Variants in ADAMTS6 observed in about 807,000 individuals in gnomAD.
The protein encoded by ADAMTS6 is A disintegrin and metalloproteinase with thrombospondin motifs 6.
A neutral mutation model predicts 144.3 loss-of-function variants in ADAMTS6; 23 were observed. The observed-to-expected ratio is 0.16, with a 90% CI of 0.11 to 0.23. The LOEUF is 0.23. Ranked by LOEUF, ADAMTS6 falls within the 10% of genes least tolerant of loss-of-function variation. ADAMTS6 has a pLI of 1.00. For missense variants in ADAMTS6, 999 were observed against 1,379.6 expected (o/e 0.72, Z 4.37); for synonymous variants, 444 against 457.5 (o/e 0.97, Z 0.38).
At chr5:65,205,880 T>C (rs1561278610) in intron 20 of ADAMTS6, among the ~76,000 whole-genome samples, 1 of 152,164 alleles carries the variant, frequency 6.6e-6, no homozygotes, top group Non-Finnish European at 1.5e-5. Flanking sequence ...AGGAAACATA[T>C]TCAGGAGGAT....
chr5:65,222,940 T>C (rs1443347292), intron 18 of ADAMTS6, among the ~76,000 whole-genome samples: 1 of 151,730 alleles, frequency 6.6e-6, no homozygotes, highest in Non-Finnish European at 1.5e-5. Context: ...CCATAAAATA[T>C]ATCTGACAAA....
At chr5:65,284,755 C>CACTTTTACAGTGGAA (rs1763237897) in intron 11 of ADAMTS6, among the ~76,000 whole-genome samples, 1 of 151,934 alleles carries the variant, frequency 6.6e-6, no homozygotes, top group African/African-American at 2.4e-5. Context: ...AATGTATTTC[C>CACTTTTACAGTGGAA]ACTGGAAAGA....
At chr5:65,322,133 C>T (rs1033795680) in intron 9 of ADAMTS6, among the ~76,000 whole-genome samples, 11 of 152,158 alleles carry the variant, frequency 7.2e-5, no homozygotes, top group Non-Finnish European at 1.6e-4. Flanking sequence ...GGAATCCTTT[C>T]CCCATTGCTT....
At chr5:65,473,324 G>C (rs1760607418) in intron 2 of ADAMTS6, among the ~76,000 whole-genome samples, 1 of 152,018 alleles carries the variant, frequency 6.6e-6, no homozygotes, top group Non-Finnish European at 1.5e-5. Flanking sequence ...GAAGAACAAG[G>C]CCTGGGGTCT....
At chr5:65,416,519 C>T (rs941538277) in intron 7 of ADAMTS6, among the ~76,000 whole-genome samples, 1 of 151,862 alleles carries the variant, frequency 6.6e-6, no homozygotes, top group African/African-American at 2.4e-5. Context: ...TTCATAATGG[C>T]CCAAAGGAGG....
At chr5:65,332,182 T>C (rs1444645407) in intron 8 of ADAMTS6, among the ~76,000 whole-genome samples, 2 of 151,172 alleles carry the variant, frequency 1.3e-5, no homozygotes, top group African/African-American at 4.8e-5. Context: ...ACCAATGTCA[T>C]TAGGTTGGTG....
intron 24 of ADAMTS6, among the ~76,000 whole-genome samples, chr5:65,164,020 G>GGGA (rs1752966783): frequency 6.6e-6 from 1 of 152,202 alleles, no homozygotes; most frequent in African/African-American, 2.4e-5. Context: ...CAGACAGAGG[G>GGGA]GGAGGAGCCA....
At chr5:65,387,296 T>C (rs1169475628) in intron 7 of ADAMTS6, among the ~76,000 whole-genome samples, 1 of 152,202 alleles carries the variant, frequency 6.6e-6, no homozygotes, top group Non-Finnish European at 1.5e-5. Context: ...ATATTCAAAA[T>C]AGGAAATATA....
intron 13 of ADAMTS6, among the ~76,000 whole-genome samples, chr5:65,262,153 G>GC (rs1343760839): frequency 6.6e-6 from 1 of 152,178 alleles, no homozygotes; most frequent in East Asian, 1.9e-4. Context: ...GGAGGGAGAA[G>GC]CAACAGAGCT....
intron 11 of ADAMTS6, among the ~76,000 whole-genome samples, chr5:65,282,966 A>T (rs947499837): frequency 6.6e-6 from 1 of 152,178 alleles, no homozygotes; most frequent in South Asian, 2.1e-4. Flanking sequence ...AGACTAAAAA[A>T]GAGACATGCG....
chr5:65,345,214 G>C (rs533196874), intron 7 of ADAMTS6, among the ~76,000 whole-genome samples: 10 of 151,614 alleles, frequency 6.6e-5, no homozygotes, highest in Admixed American at 1.3e-4. Context: ...TTAATTTCCA[G>C]TAATCTAATA....
chr5:65,258,742 A>T (rs1760907148), intron 14 of ADAMTS6, among the ~76,000 whole-genome samples: 1 of 152,222 alleles, frequency 6.6e-6, no homozygotes, highest in South Asian at 2.1e-4. Context: ...AGACTCCAGG[A>T]TTTTTGGTGT....
intron 14 of ADAMTS6, among the ~76,000 whole-genome samples, chr5:65,245,814 T>C (rs890114811): frequency 3.3e-5 from 5 of 152,170 alleles, no homozygotes; most frequent in South Asian, 2.1e-4. Context: ...ACAGACAATA[T>C]GTAAATAAAT....
At chr5:65,398,846 AAG>A (rs1170490833) in intron 7 of ADAMTS6, among the ~76,000 whole-genome samples, 1 of 143,728 alleles carries the variant, frequency 7.0e-6, no homozygotes, top group Non-Finnish European at 1.5e-5. Context: ...GAAAGAAAGA[AAG>A]AAAAAGAAAG....
At chr5:65,245,614 C>A (rs912320556) in intron 14 of ADAMTS6, among the ~76,000 whole-genome samples, 15 of 151,896 alleles carry the variant, frequency 9.9e-5, no homozygotes, top group Non-Finnish European at 2.1e-4. Context: ...CAACAGTTAT[C>A]ATCATCATCA....
chr5:65,437,297 C>T (rs927031359), intron 7 of ADAMTS6, among the ~76,000 whole-genome samples: 1 of 151,948 alleles, frequency 6.6e-6, no homozygotes, highest in South Asian at 2.1e-4. Flanking sequence ...GGTCTCACCA[C>T]GTTAGCTAGG....
chr5:65,232,445 T>C (rs775124904), intron 15 of ADAMTS6, among the ~76,000 whole-genome samples: 4 of 151,126 alleles, frequency 2.6e-5, no homozygotes, highest in Non-Finnish European at 5.9e-5. Context: ...ATAAACAAAA[T>C]TGACATACCT....
intron 9 of ADAMTS6, among the ~76,000 whole-genome samples, chr5:65,300,456 C>T (rs748017275): frequency 4.6e-5 from 7 of 152,196 alleles, no homozygotes; most frequent in Middle Eastern, 3.4e-3. Flanking sequence ...CAAAGATAAA[C>T]GACCTGCTAA....
intron 7 of ADAMTS6, among the ~76,000 whole-genome samples, chr5:65,338,131 A>G (rs2150071037): frequency 6.6e-6 from 1 of 152,358 alleles, no homozygotes; most frequent in East Asian, 1.9e-4. Context: ...AATGTTCTTT[A>G]TTCTGAATTT....
Sources: gnomAD v4.1 joint callset for allele counts (sites outside exome capture counted in the v4.1 genomes callset) on GRCh38, gnomAD v4.1.1 for gene constraint, MANE v1.5 for transcripts, NCBI Gene and HGNC (gene_info 2026-07-23, HGNC 2026-07-21) for gene names.